The following GRM8 variants were observed in gnomAD, a reference collection of about 807,000 sequenced individuals.
GRM8 encodes the protein glutamate metabotropic receptor 8.
A neutral mutation model predicts 87.2 loss-of-function variants in GRM8; 47 were observed. The ratio of observed to expected loss-of-function variants is 0.54; its 90% confidence interval spans 0.43 to 0.69. GRM8 has a LOEUF of 0.69. Among genes scored for constraint, GRM8 ranks in the 30% least tolerant of loss-of-function variants. The pLI is 0.00. For missense variants in GRM8, 1,019 were observed against 1,139.2 expected (o/e 0.89, Z 1.52); for synonymous variants, 396 against 404.5 (o/e 0.98, Z 0.25).
At position 127,187,949 on chromosome 7, in the gene GRM8, T is replaced by C. The variant is rs1794824880; in HGVS notation, c.510+54746A>G. ...CTCATTATTCCTCCACCGAACTCAT[T>C]TGATCTCATGTAACAATCTTTTTTG... On this transcript the variant is annotated intron_variant, in intron 2 of 10. Transcript: ENST00000339582. Among the ~76,000 whole-genome samples, 3 of 152,224 alleles carry C rather than the reference T, an allele frequency of 2.0e-5. No homozygotes were observed. The South Asian group carries it at 6.2e-4, about 32-fold the overall frequency.
chr7:126,729,686 G>A (rs1276374766), intron 7 of GRM8, among the ~76,000 whole-genome samples: 1 of 152,164 alleles, frequency 6.6e-6, no homozygotes, highest in Non-Finnish European at 1.5e-5. Flanking sequence ...ACTTTTGTAT[G>A]TGATTACCTT....
chr7:126,823,036 T>C (rs1586079296), intron 6 of GRM8, among the ~76,000 whole-genome samples: 1 of 152,214 alleles, frequency 6.6e-6, no homozygotes, highest in Non-Finnish European at 1.5e-5. Context: ...ATATGATTTA[T>C]TTTATGCCAC....
intron 8 of GRM8, among the ~76,000 whole-genome samples, chr7:126,573,716 C>G (rs1257597363): frequency 6.6e-6 from 1 of 151,940 alleles, no homozygotes; most frequent in Non-Finnish European, 1.5e-5. Flanking sequence ...TCTCAAGTAG[C>G]TTGGACTACA....
chr7:126,687,328 A>G (rs528620590), intron 7 of GRM8, among the ~76,000 whole-genome samples: 3 of 152,318 alleles, frequency 2.0e-5, no homozygotes, highest in East Asian at 3.9e-4. Context: ...CTAACTTTAC[A>G]TAAAAGAAAT....
At chr7:126,447,260 C>T (rs544216885) in intron 9 of GRM8, 1 of 151,652 alleles carries the variant, frequency 6.6e-6, no homozygotes, top group Non-Finnish European at 1.5e-5. Flanking sequence ...GAAACAGAAA[C>T]AGCAGTATTT....
intron 1 of GRM8, among the ~76,000 whole-genome samples, chr7:127,245,015 T>C (rs1212954720): frequency 6.6e-6 from 1 of 152,214 alleles, no homozygotes; most frequent in African/African-American, 2.4e-5. Context: ...TTCTCACCAC[T>C]TCACTGTTTA....
At chr7:126,656,454 G>T (rs141398302) in intron 7 of GRM8, among the ~76,000 whole-genome samples, 3 of 152,060 alleles carry the variant, frequency 2.0e-5, no homozygotes, top group African/African-American at 4.8e-5. Flanking sequence ...CAAGGCGGGC[G>T]GATCGCAAGG....
At chr7:127,170,717 A>G (rs1010832138) in intron 2 of GRM8, among the ~76,000 whole-genome samples, 1 of 152,242 alleles carries the variant, frequency 6.6e-6, no homozygotes, top group Non-Finnish European at 1.5e-5. Flanking sequence ...GGAGACCAGT[A>G]GTCTAAGTGA....
At chr7:126,857,967 T>A (rs1797832837) in intron 6 of GRM8, among the ~76,000 whole-genome samples, 1 of 151,678 alleles carries the variant, frequency 6.6e-6, no homozygotes, top group Non-Finnish European at 1.5e-5. Flanking sequence ...GAAGGAAGGA[T>A]AAAAGGAAGG....
chr7:126,501,211 T>C (rs763895677), intron 9 of GRM8, among the ~76,000 whole-genome samples: 1 of 152,000 alleles, frequency 6.6e-6, no homozygotes, highest in African/African-American at 2.4e-5. Flanking sequence ...AAAAATTAAG[T>C]ACAGAAGTGG....
At chr7:126,567,967 C>T (rs1794381515) in intron 8 of GRM8, among the ~76,000 whole-genome samples, 1 of 151,970 alleles carries the variant, frequency 6.6e-6, no homozygotes, top group Non-Finnish European at 1.5e-5. Context: ...TTTTAATAGC[C>T]AAAAATTATC....
intron 2 of GRM8, among the ~76,000 whole-genome samples, chr7:127,144,307 G>A: frequency 6.6e-6 from 1 of 152,088 alleles, no homozygotes; most frequent in East Asian, 1.9e-4. Flanking sequence ...GGAGCAAAGA[G>A]CTATGTCTAT....
intron 3 of GRM8, among the ~76,000 whole-genome samples, chr7:127,056,588 A>T (rs1379698496): frequency 6.6e-6 from 1 of 152,230 alleles, no homozygotes; most frequent in African/African-American, 2.4e-5. Flanking sequence ...TATGAAAAGC[A>T]AGCAAGTAAA....
At chr7:126,439,866 T>C (rs990170545) in intron 10 of GRM8, among the ~76,000 whole-genome samples, 2 of 80,764 alleles carry the variant, frequency 2.5e-5, no homozygotes. Flanking sequence ...GTCTTAGTTT[T>C]TAATACAAGA....
chr7:127,083,118 TA>T (rs1291265386), intron 3 of GRM8, among the ~76,000 whole-genome samples: 3 of 152,194 alleles, frequency 2.0e-5, no homozygotes, highest in Non-Finnish European at 4.4e-5. Context: ...AGTTGACACA[TA>T]AAATCAACCA....
At chr7:127,166,895 A>G (rs1042693729) in intron 2 of GRM8, among the ~76,000 whole-genome samples, 2 of 152,168 alleles carry the variant, frequency 1.3e-5, no homozygotes, top group African/African-American at 4.8e-5. Flanking sequence ...CCTCTGGTGT[A>G]ACTTATTTTA....
At chr7:126,827,090 G>C (rs373998915) in intron 6 of GRM8, among the ~76,000 whole-genome samples, 6 of 151,498 alleles carry the variant, frequency 4.0e-5, no homozygotes, top group Admixed American at 1.3e-4. Context: ...TGTTTTGGTA[G>C]CAGTACCATG....
chr7:126,463,564 G>A (rs778376878), intron 9 of GRM8, among the ~76,000 whole-genome samples: 6 of 151,542 alleles, frequency 4.0e-5, no homozygotes, highest in Admixed American at 6.6e-5. Context: ...CAGTGACCTC[G>A]GTCTTTGGTT....
chr7:126,925,803 C>T (rs189136878), intron 3 of GRM8, among the ~76,000 whole-genome samples: 1 of 152,262 alleles, frequency 6.6e-6, no homozygotes, highest in East Asian at 1.9e-4. Flanking sequence ...CCTAATATCC[C>T]ACAGAATTGA....
Sources: gnomAD v4.1 joint callset for allele counts (sites outside exome capture counted in the v4.1 genomes callset) on GRCh38, gnomAD v4.1.1 for gene constraint, MANE v1.5 for transcripts, NCBI Gene and HGNC (gene_info 2026-07-23, HGNC 2026-07-21) for gene names.